TMC1: variants seen among roughly 807,000 people sequenced by gnomAD.
TMC1 encodes transmembrane channel like 1.
TMC1 carries 84 observed loss-of-function variants against 105.8 expected under a neutral mutation model. The observed-to-expected ratio is 0.79, with a 90% CI of 0.67 to 0.95. The LOEUF is 0.95. TMC1 is among the 40% of genes least tolerant of loss of function. The probability of loss-of-function intolerance (pLI) is 0.00; values close to 1 mark genes in which losing one functional copy is unlikely to be tolerated. For missense variants in TMC1, 817 were observed against 914.1 expected, an observed-to-expected ratio of 0.89 and a Z score of 1.37; for synonymous variants, 315 against 311.5, an observed-to-expected ratio of 1.01 and a Z score of -0.12.
At position 72,805,437 on chromosome 9, in the gene TMC1, T is replaced by C. The variant is rs201955337; in HGVS notation, c.1622T>C (p.Ile541Thr). Reference sequence around the variant, plus strand: ...CTGACCACCTACGTCACAATCCTCATTGGGGACTTTCTAAGGGCATGTTTT... The same window carrying C: ...CTGACCACCTACGTCACAATCCTCACTGGGGACTTTCTAAGGGCATGTTTT... ...DVLTTYVTIL[I>T]GDFLRACFVR... is the part of the protein sequence containing the mutation. The change falls in exon 18 of 24, where the codon ATT (isoleucine) becomes ACT (threonine). Residue 541 changes from isoleucine (I) to threonine (T), a missense_variant. By Grantham distance (89) the Ile-to-Thr change is moderately conservative. Coordinates refer to ENST00000297784, the MANE Select transcript of TMC1 (RefSeq NM_138691.3). 1.1e-4 allele frequency: 180 copies of C among 1,613,986 alleles called. No homozygotes were observed. Among genetic ancestry groups the C allele is most frequent in the East Asian group, 6.9e-4 (31 of 44,862 alleles).
Position 72,809,855 on chromosome 9 carries a change from C to T in TMC1, c.1695+4345C>T, listed in dbSNP as rs538824118. On this transcript the variant is annotated intron_variant, in intron 18 of 23. Transcript: ENST00000297784. ...TTGGGATATTCATTCTCCAGTTCCT[C>T]ATACTCTTCACCACTCTTTTCTCTT... 6.6e-5 allele frequency among the ~76,000 whole-genome samples: 10 copies of T among 152,246 alleles called. No homozygotes were observed. The East Asian group carries it at 1.7e-3, about 26-fold the overall frequency.
intron 12 of TMC1, among the ~76,000 whole-genome samples, chr9:72,769,501 T>A (rs1588074569): frequency 6.6e-6 from 1 of 152,314 alleles, no homozygotes; most frequent in East Asian, 1.9e-4. Context: ...AAGGAAGAGA[T>A]GTCCGCATGT....
At chr9:72,718,324 T>A (rs899292996) in intron 8 of TMC1, among the ~76,000 whole-genome samples, 1 of 152,232 alleles carries the variant, frequency 6.6e-6, no homozygotes, top group African/African-American at 2.4e-5. Context: ...CCTTCTTATT[T>A]GGGTAGGCTA....
intron 2 of TMC1, among the ~76,000 whole-genome samples, chr9:72,598,070 A>G (rs758272719): frequency 1.5e-4 from 23 of 152,364 alleles, no homozygotes; most frequent in Non-Finnish European, 2.2e-4. Context: ...CAGAGCAGAT[A>G]TTGTCAATGG....
At chr9:72,703,765 C>T (rs1305237733) in intron 8 of TMC1, among the ~76,000 whole-genome samples, 1 of 152,228 alleles carries the variant, frequency 6.6e-6, no homozygotes, top group Non-Finnish European at 1.5e-5. Flanking sequence ...AAAGAAACAA[C>T]TGTGGCTTCT....
intron 12 of TMC1, among the ~76,000 whole-genome samples, chr9:72,761,217 G>A (rs954635305): frequency 1.3e-5 from 2 of 152,122 alleles, no homozygotes; most frequent in African/African-American, 4.8e-5. Context: ...AGTAGGAAGA[G>A]GATGTCTTTG....
intron 4 of TMC1, among the ~76,000 whole-genome samples, chr9:72,640,450 A>G (rs1231737149): frequency 6.6e-6 from 1 of 152,180 alleles, no homozygotes; most frequent in Non-Finnish European, 1.5e-5. Context: ...AATGACAGTA[A>G]GCTTTCCAAG....
At chr9:72,772,967 T>A (rs184781833) in intron 13 of TMC1, among the ~76,000 whole-genome samples, 1,865 of 152,226 alleles carry the variant, frequency 0.012, 30 homozygotes, top group African/African-American at 0.043. Context: ...GCTCATTTTT[T>A]AAAAAAACCA....
chr9:72,646,934 G>C (rs563049142), intron 4 of TMC1, among the ~76,000 whole-genome samples: 1 of 152,134 alleles, frequency 6.6e-6, no homozygotes, highest in South Asian at 2.1e-4. Flanking sequence ...CTGAGGTCAG[G>C]AGTTCGAGAC....
chr9:72,696,640 A>G (rs1224614346), intron 7 of TMC1, among the ~76,000 whole-genome samples: 1 of 152,170 alleles, frequency 6.6e-6, no homozygotes, highest in African/African-American at 2.4e-5. Context: ...AACATTTGAA[A>G]CCAACTAAAA....
intron 4 of TMC1, among the ~76,000 whole-genome samples, chr9:72,633,228 C>T (rs1825478358): frequency 6.6e-6 from 1 of 152,162 alleles, no homozygotes; most frequent in African/African-American, 2.4e-5. Context: ...CCTACCTTTT[C>T]TGCTTTCTTC....
chr9:72,653,299 G>A (rs1825840204), intron 5 of TMC1, among the ~76,000 whole-genome samples: 1 of 152,092 alleles, frequency 6.6e-6, no homozygotes, highest in African/African-American at 2.4e-5. Context: ...GCTATAAAGA[G>A]CCTATGAAAA....
At chr9:72,581,266 GTTCT>G (rs1402948014) in intron 2 of TMC1, among the ~76,000 whole-genome samples, 3 of 152,044 alleles carry the variant, frequency 2.0e-5, no homozygotes, top group Non-Finnish European at 4.4e-5. Flanking sequence ...TTAATTTAGG[GTTCT>G]TTATTTATTT....
chr9:72,553,674 A>T (rs918123978), intron 1 of TMC1, among the ~76,000 whole-genome samples: 1 of 152,082 alleles, frequency 6.6e-6, no homozygotes, highest in Non-Finnish European at 1.5e-5. Context: ...TCTCTTCTGT[A>T]TTAACAGGTG....
At chr9:72,832,817 CAT>C (rs1829062381) in intron 23 of TMC1, among the ~76,000 whole-genome samples, 1 of 152,196 alleles carries the variant, frequency 6.6e-6, no homozygotes, top group East Asian at 1.9e-4. Flanking sequence ...ATCAATACTA[CAT>C]GTGTGCATAA....
chr9:72,789,089 G>GT, intron 14 of TMC1, 34 bp from the exon 15 acceptor site: 1 of 1,603,448 alleles, frequency 6.2e-7, no homozygotes, highest in Non-Finnish European at 8.5e-7. Context: ...TCTATTTTGG[G>GT]TTTTTGTTTG....
At chr9:72,564,320 A>G (rs1035710694) in intron 1 of TMC1, among the ~76,000 whole-genome samples, 1 of 152,184 alleles carries the variant, frequency 6.6e-6, no homozygotes, top group Non-Finnish European at 1.5e-5. Context: ...CTGAGAGCAA[A>G]CAAACTTTAT....
chr9:72,632,550 G>A (rs1322290850), intron 4 of TMC1, among the ~76,000 whole-genome samples: 1 of 152,104 alleles, frequency 6.6e-6, no homozygotes, highest in Non-Finnish European at 1.5e-5. Flanking sequence ...ACAGAGAATG[G>A]AGTTCGAAGA....
At chr9:72,818,747 G>C (rs1387711595) in intron 19 of TMC1, 11 of 152,186 alleles carry the variant, frequency 7.2e-5, no homozygotes, top group Admixed American at 7.2e-4. Context: ...GATCATGCCT[G>C]GGTAAGGGAC....
Sources: gnomAD v4.1 joint callset for allele counts (sites outside exome capture counted in the v4.1 genomes callset) on GRCh38, gnomAD v4.1.1 for gene constraint, MANE v1.5 for transcripts, NCBI Gene and HGNC (gene_info 2026-07-23, HGNC 2026-07-21) for gene names.